SLC14A2: variants seen among roughly 807,000 people sequenced by gnomAD.
SLC14A2 encodes the protein solute carrier family 14 member 2, also known as urea transporter 2.
Under a neutral mutation model 104.6 loss-of-function variants are expected in SLC14A2, and 91 were observed. That is an observed-to-expected ratio of 0.87 (90% CI 0.73 to 1.04). The LOEUF (loss-of-function observed/expected upper bound fraction) is 1.04. Ranked by LOEUF, SLC14A2 falls within the 50% of genes least tolerant of loss-of-function variation. The pLI is 0.00. For missense variants in SLC14A2, 1,189 were observed against 1,156.0 expected (o/e 1.03, Z -0.41); for synonymous variants, 476 against 466.4 (o/e 1.02, Z -0.27).
chr18:45,314,128 T>G (rs982166746), intron 1 of SLC14A2, among the ~76,000 whole-genome samples: 10 of 152,238 alleles, frequency 6.6e-5, no homozygotes, highest in Non-Finnish European at 1.3e-4. Context: ...GATGTGGTCT[T>G]CATGGCCACA....
rs544642989 is a variant in SLC14A2 at position 45,530,968 on chromosome 18, C to T, written c.-35+47646C>T. Among the ~76,000 whole-genome samples, 76 of 151,836 alleles carry T rather than the reference C, an allele frequency of 5.0e-4. No individual in the cohort carries two copies. The East Asian group carries it at 9.4e-3, about 19-fold the overall frequency. ...TGCGGTGTTTGGTTTTTTGTCCTTG[C>T]GATAGTTTGCTGAGAATGATGGTTT... On this transcript the variant is annotated intron_variant, in intron 2 of 20. Transcript: ENST00000586448.
At chr18:45,395,744 A>G (rs976161670) in intron 1 of SLC14A2, among the ~76,000 whole-genome samples, 1 of 152,046 alleles carries the variant, frequency 6.6e-6, no homozygotes, top group Admixed American at 6.6e-5. Flanking sequence ...CTGCCACCCC[A>G]TTATGTCCCT....
At chr18:45,626,124 C>A (rs944947670) in intron 3 of SLC14A2, among the ~76,000 whole-genome samples, 1 of 152,152 alleles carries the variant, frequency 6.6e-6, no homozygotes, top group African/African-American at 2.4e-5. Context: ...TAGTTCTTTG[C>A]AAATTGCTCG....
intron 1 of SLC14A2, among the ~76,000 whole-genome samples, chr18:45,623,408 C>A (rs2045207924): frequency 6.6e-6 from 1 of 152,160 alleles, no homozygotes; most frequent in Non-Finnish European, 1.5e-5. Flanking sequence ...AGGAGCACTT[C>A]AAGTCTTCTC....
At position 45,390,301 on chromosome 18, in the gene SLC14A2, C is replaced by A. The variant is rs187647570; in HGVS notation, c.-124-92932C>A. On this transcript the variant is annotated intron_variant, in intron 1 of 20. Coordinates refer to the SLC14A2 transcript ENST00000586448. ...CTTGTCACTGGGCTTCATGAAGCAA[C>A]CAGTGAACAATCTCAGGAGTATCTA... is the stretch of plus-strand genomic sequence containing the variant. 4.3e-4 allele frequency among the ~76,000 whole-genome samples: 66 copies of A among 152,178 alleles called. 3 individuals carry two copies. In the East Asian group the frequency reaches 0.011, roughly 25 times the overall value.
chr18:45,385,266 T>G lies in SLC14A2; in HGVS notation c.-124-97967T>G, dbSNP rs145082138. 2.0e-5 allele frequency among the ~76,000 whole-genome samples: 3 copies of G among 152,162 alleles called. No homozygotes were observed. The East Asian group carries it at 5.8e-4, about 29-fold the overall frequency. On this transcript the variant is annotated intron_variant, in intron 1 of 20. Coordinates refer to the SLC14A2 transcript ENST00000586448. The stretch of plus-strand genomic sequence containing the variant: ...CAAATGTTTGATTAGCACTACCAAA[T>G]TCCCTGCAGGTTGATAACGCTTTCG...
At chr18:45,238,985 C>T (rs1420946149) in intron 1 of SLC14A2, among the ~76,000 whole-genome samples, 2 of 151,970 alleles carry the variant, frequency 1.3e-5, no homozygotes, top group African/African-American at 2.4e-5. Context: ...ACACTATTAG[C>T]ATATGAAGGA....
chr18:45,359,118 C>G (rs1222460918), intron 1 of SLC14A2, among the ~76,000 whole-genome samples: 1 of 152,200 alleles, frequency 6.6e-6, no homozygotes, highest in African/African-American at 2.4e-5. Flanking sequence ...TACCAAGCAG[C>G]AATCCAATGC....
chr18:45,338,792 G>A (rs1244762938), intron 1 of SLC14A2, among the ~76,000 whole-genome samples: 2 of 149,672 alleles, frequency 1.3e-5, no homozygotes, highest in Admixed American at 6.7e-5. Flanking sequence ...GTGTGAAAAC[G>A]TGCACTGAAG....
Position 45,624,817 on chromosome 18 carries a change from G to A in SLC14A2, c.150+3G>A, listed in dbSNP as rs775629769. The stretch of plus-strand genomic sequence containing the variant: ...TCCTGGAAATGCCTGAAGAAAAGGT[G>A]AGAAGTGTCCCTCCTAGGATGTTTC... On this transcript the variant is annotated splice_donor_region_variant and intron_variant, in intron 2 of 19. Transcript: ENST00000255226. 4 of 1,610,230 alleles carry A rather than the reference G, an allele frequency of 2.5e-6. No individual in the cohort carries two copies. Among genetic ancestry groups the A allele is most frequent in the African/African-American group, 1.3e-5 (1 of 74,810 alleles).
intron 2 of SLC14A2, among the ~76,000 whole-genome samples, chr18:45,532,181 C>T (rs1160176709): frequency 2.0e-5 from 3 of 151,988 alleles, no homozygotes; most frequent in African/African-American, 4.8e-5. Context: ...CTTGGCAGTG[C>T]GGGCTCTTTT....
At chr18:45,438,527 G>A (rs998645236) in intron 1 of SLC14A2, among the ~76,000 whole-genome samples, 9 of 152,166 alleles carry the variant, frequency 5.9e-5, no homozygotes, top group Admixed American at 4.6e-4. Flanking sequence ...GAGAGCAAAA[G>A]AGAGAGAGAA....
intron 1 of SLC14A2, among the ~76,000 whole-genome samples, chr18:45,468,138 C>T (rs954078774): frequency 2.6e-5 from 4 of 152,090 alleles, no homozygotes; most frequent in Admixed American, 1.3e-4. Context: ...TGCAGGAAAT[C>T]CCGAGCTAAG....
the SLC14A2 span, among the ~76,000 whole-genome samples, chr18:45,189,760 G>C: frequency 3.3e-5 from 5 of 152,216 alleles, no homozygotes; most frequent in Non-Finnish European, 7.3e-5. Context: ...GATGAAACCA[G>C]TCATCCATGT....
In SLC14A2 at chr18:45,498,870, CTTCT is replaced by C. The variant is rs1163827137; in HGVS notation, c.-35+15551_-35+15554del. ...ACTGTCTCTCCTTCCTACTCTCCAC[CTTCT>C]TTAACACCCACAGTCAGCTTTCTGT... On this transcript the variant is annotated intron_variant, in intron 2 of 20. Transcript: ENST00000586448. 1.3e-5 allele frequency among the ~76,000 whole-genome samples: 2 copies of C among 152,204 alleles called. 1 individual carries two copies. Among genetic ancestry groups the C allele is most frequent in the African/African-American group, 4.8e-5 (2 of 41,452 alleles).
chr18:45,653,336 A>T (rs988125184), intron 10 of SLC14A2, among the ~76,000 whole-genome samples: 22 of 152,020 alleles, frequency 1.4e-4, no homozygotes, highest in African/African-American at 4.8e-4. Flanking sequence ...CAGTTCCAAA[A>T]CACCTGGCAC....
chr18:45,595,001 TC>T (rs1201099163), intron 2 of SLC14A2, among the ~76,000 whole-genome samples: 1 of 152,110 alleles, frequency 6.6e-6, no homozygotes, highest in African/African-American at 2.4e-5. Context: ...CGGAATGTAA[TC>T]CTTTCCTCTT....
chr18:45,433,975 C>G (rs1248301290), intron 1 of SLC14A2, among the ~76,000 whole-genome samples: 1 of 152,210 alleles, frequency 6.6e-6, no homozygotes, highest in Non-Finnish European at 1.5e-5. Flanking sequence ...AATACTTACT[C>G]AGGGCTCCTG....
chr18:45,286,775 C>T, intron 1 of SLC14A2, among the ~76,000 whole-genome samples: 1 of 151,628 alleles, frequency 6.6e-6, no homozygotes. Context: ...ATATACAGTA[C>T]CCCTAAATGC....
Sources: allele counts gnomAD v4.1 joint callset (sites outside exome capture counted in the v4.1 genomes callset), GRCh38; gene constraint gnomAD v4.1.1; transcripts MANE v1.5; gene names NCBI Gene and HGNC (gene_info 2026-07-23, HGNC 2026-07-21).